TTN: variants seen among roughly 807,000 people sequenced by gnomAD.
TTN encodes the protein connectin.
In TTN, 1,525 loss-of-function variants were observed where a neutral mutation model predicts 3,223.0. The ratio of observed to expected loss-of-function variants is 0.47; its 90% CI spans 0.45 to 0.49. The LOEUF is 0.49. Among genes scored for constraint, TTN ranks in the 20% least tolerant of loss-of-function variants. The probability of loss-of-function intolerance (pLI) is 0.00; values close to 1 mark genes in which losing one functional copy is unlikely to be tolerated. For missense variants in TTN, 40,786 were observed against 43,424.0 expected, an observed-to-expected ratio of 0.94 and a Z score of 5.40; for synonymous variants, 14,094 against 15,161.0, an observed-to-expected ratio of 0.93 and a Z score of 5.17.
In TTN at chr2:178,566,455, A is replaced by G. The variant is rs749695490; in HGVS notation, c.79677T>C (p.Tyr26559=). ...TGTTGAGGGCACAGACTCGTATTTT[A>G]TACTCTTGGTGTTCAGTGAGTTTTG... ...EISKLTEHQE[Y]KIRVCALNKV... The change falls in exon 326 of 363, where the codon TAT becomes TAC. Residue 26559 remains tyrosine (Y), a synonymous_variant. Coordinates refer to ENST00000589042, the MANE Select transcript of TTN (RefSeq NM_001267550.2). 3 of 1,613,488 alleles carry G rather than the reference A, an allele frequency of 1.9e-6. No individual in the cohort carries two copies. In the South Asian group the frequency reaches 3.3e-5, roughly 18 times the overall value.
chr2:178,587,955 A>G lies in TTN; in HGVS notation c.63452T>C (p.Val21151Ala). 4 of 1,610,688 alleles carry G rather than the reference A, an allele frequency of 2.5e-6. No individual in the cohort carries two copies. In the South Asian group the frequency reaches 3.3e-5, roughly 13 times the overall value. The change falls in exon 305 of 363, where the codon GTT becomes GCT. Residue 21151 changes from valine (V) to alanine (A), a missense_variant. Coordinates refer to ENST00000589042, the MANE Select transcript of TTN (RefSeq NM_001267550.2). ...YEFRVCAQNQ[V>A]GIGRPAELKE... ...TAGCTCTGCAGGGCGCCCAATACCAACTTGGTTTTGGGCACACACCCTGAA... is the reference window on the plus strand; with the variant it reads ...TAGCTCTGCAGGGCGCCCAATACCAGCTTGGTTTTGGGCACACACCCTGAA...
intron 8 of TTN, 148 bp downstream of exon 8, chr2:178,794,251 G>A: frequency 8.3e-7 from 1 of 1,207,190 alleles, no homozygotes; most frequent in South Asian, 1.2e-5. Context: ...TGCTCAGAAA[G>A]TTCTAAAAGT....
intron 99 of TTN, 64 bp from the exon 100 acceptor site, chr2:178,707,877 G>T: frequency 6.6e-7 from 1 of 1,505,776 alleles, no homozygotes; most frequent in Non-Finnish European, 8.9e-7. Context: ...TTCCACAAGA[G>T]AAACAAATAA....
At position 178,543,111 on chromosome 2, in the gene TTN, G is replaced by C; in HGVS notation, c.96862C>G (p.Pro32288Ala). Reference sequence around the variant, plus strand: ...GTCACGGCTGTGACAGTCTCTCTTGGTTCTGACACACCTTTCTCATTTTGT... The same window carrying C: ...GTCACGGCTGTGACAGTCTCTCTTGCTTCTGACACACCTTTCTCATTTTGT... ...RAQNEKGVSE[P>A]RETVTAVTVQ... The change falls in exon 347 of 363, where the codon CCA becomes GCA. Residue 32288 changes from proline to alanine, a missense_variant. Physicochemically the swap from Pro to Ala is conservative, Grantham distance 27. Transcript: ENST00000589042. 6 of 1,608,290 alleles carry C rather than the reference G, an allele frequency of 3.7e-6. No individual in the cohort carries two copies. The East Asian group carries it at 6.7e-5, about 18-fold the overall frequency.
chr2:178,697,164 A>C lies in TTN; in HGVS notation c.30759T>G (p.Ile10253Met). The C allele has an allele frequency of 6.5e-7, 1 of 1,534,602 alleles. No individual in the cohort carries two copies. Among genetic ancestry groups the C allele is most frequent in the Non-Finnish European group, 8.8e-7 (1 of 1,142,672 alleles). Residue 10253 changes from isoleucine (I) to methionine (M), a missense_variant, in exon 113 of 363, where the codon ATT becomes ATG. Ile to Met is a conservative substitution (Grantham distance 10). Transcript: ENST00000589042. ...TAGTAGGAGGTGGAGGCTTCTTGAC[A>C]ATCTCTGGGAGTTTAAAAACATAAA... is the stretch of plus-strand genomic sequence containing the variant. ...KPKEMTPREE[I>M]VKKPPPPTTL... is the part of the protein sequence containing the mutation.
chr2:178,561,387 C>T lies in TTN; in HGVS notation c.84745G>A (p.Ala28249Thr), dbSNP rs1258499464. 1 of 1,613,754 alleles carries T rather than the reference C, an allele frequency of 6.2e-7. No individual in the cohort carries two copies. Among genetic ancestry groups the T allele is most frequent in the Admixed American group, 1.7e-5 (1 of 59,992 alleles). ...CCAGGAGGGTCACAAGGATCTCTTG[C>T]AGGGACTGGTTCACAAGATTTACTG... ...KCSKSCEPVP[A>T]RDPCDPPGQP... Residue 28249 changes from alanine to threonine, a missense_variant, in exon 326 of 363, where the codon GCA becomes ACA. Transcript: ENST00000589042.
At chr2:178,593,508 T>G in intron 298 of TTN, 33 bp from the exon 299 acceptor site, 2 of 1,598,224 alleles carry the variant, frequency 1.3e-6, no homozygotes, top group Non-Finnish European at 8.5e-7. Flanking sequence ...CGTTAGAAAT[T>G]TATTTCTTTA....
intron 73 of TTN, 46 bp from the exon 74 acceptor site, chr2:178,723,742 T>C (rs765028661): frequency 1.1e-5 from 17 of 1,529,528 alleles, no homozygotes; most frequent in Non-Finnish European, 1.4e-5. Flanking sequence ...AAGCTTCAGA[T>C]GGAGTTGCAA....
chr2:178,617,256 T>C, intron 254 of TTN, 22 bp from the exon 255 acceptor site: 1 of 1,536,138 alleles, frequency 6.5e-7, no homozygotes, highest in Middle Eastern at 1.7e-4. Flanking sequence ...AATTAATATT[T>C]GTAAAAAACA....
chr2:178,789,407 C>T lies in TTN; in HGVS notation c.2029G>A (p.Glu677Lys), dbSNP rs1303024239. Residue 677 changes from glutamate (E) to lysine (K), a missense_variant, in exon 13 of 363, where the codon GAA becomes AAA. Transcript: ENST00000589042. ...KEQETILRTR[E>K]TMATRQEQIQ... The stretch of plus-strand genomic sequence containing the variant: ...TGTTCTTGTCTAGTAGCCATAGTTT[C>T]TCTAGTTCTCAGTATTGTTTCTTGT... The T allele has an allele frequency of 1.2e-6, 2 of 1,613,506 alleles. No homozygotes were observed. Among genetic ancestry groups the T allele is most frequent in the Non-Finnish European group, 1.7e-6 (2 of 1,179,554 alleles).
chr2:178,690,083 A>G (rs540504575), intron 121 of TTN, among the ~76,000 whole-genome samples, 187 bp from the exon 122 acceptor site: 12 of 152,356 alleles, frequency 7.9e-5, no homozygotes, highest in African/African-American at 2.4e-4. Flanking sequence ...AATATCACAA[A>G]TAATGTTTTA....
At chr2:178,717,854 C>T (rs1361834304) in intron 86 of TTN, 44 bp from the exon 87 acceptor site, 2 of 1,575,550 alleles carry the variant, frequency 1.3e-6, no homozygotes, top group African/African-American at 1.4e-5. Flanking sequence ...GGTGAGAAGG[C>T]ATCCACAACA....
intron 253 of TTN, 75 bp downstream of exon 253, chr2:178,617,704 C>A: frequency 1.9e-6 from 3 of 1,544,946 alleles, no homozygotes; most frequent in Non-Finnish European, 2.6e-6. Context: ...TTTCATTTAA[C>A]TTGATTTATT....
At position 178,539,129 on chromosome 2, in the gene TTN, G is replaced by A. The variant is rs764276622; in HGVS notation, c.98806C>T (p.Arg32936Cys). The change falls in exon 353 of 363, where the codon CGC (arginine) becomes TGC (cysteine). Residue 32936 changes from arginine to cysteine, a missense_variant. Arg to Cys is a radical substitution (Grantham distance 180). Coordinates refer to ENST00000589042, the MANE Select transcript of TTN (RefSeq NM_001267550.2). ...GSRVTGYYIE[R>C]KETSTDKWVR... ...CACTTGTCAGTGGATGTCTCTTTGC[G>A]TTCGATGTAGTAGCCTGTGACTCTA... The A allele has an allele frequency of 1.9e-5, 31 of 1,613,702 alleles. No homozygotes were observed. In the Middle Eastern group the frequency reaches 6.6e-4, roughly 34 times the overall value.
chr2:178,677,561 A>G, intron 146 of TTN, 60 bp downstream of exon 146: 1 of 1,496,114 alleles, frequency 6.7e-7, no homozygotes, highest in Non-Finnish European at 9.0e-7. Flanking sequence ...GAACAAAAGG[A>G]TGGGAAAGCA....
intron 10 of TTN, among the ~76,000 whole-genome samples, chr2:178,791,206 G>C (rs886389872): frequency 2.0e-5 from 3 of 152,184 alleles, no homozygotes; most frequent in African/African-American, 7.2e-5. Flanking sequence ...CTATGCCTTT[G>C]ATTATCCTAA....
Position 178,631,056 on chromosome 2 carries a change from G to A in TTN, c.43992C>T (p.Thr14664=). Residue 14664 remains threonine, a synonymous_variant, in exon 237 of 363, where the codon ACC becomes ACT. Transcript: ENST00000589042. ...QYTCDCGTDK[T]SGKLDIEDRE... ...TACCCTCAATGTCAAGTTTTCCTGA[G>A]GTCTTATCTGTCCCACAGTCACAGG... 6.2e-7 allele frequency: 1 copy of A among 1,613,130 alleles called. No individual in the cohort carries two copies. The highest frequency in any genetic ancestry group is 8.5e-7 in the Non-Finnish European group (1 of 1,179,578).
chr2:178,609,172 C>A (rs777034156), intron 273 of TTN, 36 bp downstream of exon 273: 1 of 1,455,754 alleles, frequency 6.9e-7, no homozygotes. Flanking sequence ...TTACTAAAAC[C>A]TTTTTCCATT....
chr2:178,648,593 A>G (rs1442808010), intron 213 of TTN, among the ~76,000 whole-genome samples: 1 of 152,074 alleles, frequency 6.6e-6, no homozygotes, highest in Non-Finnish European at 1.5e-5. Flanking sequence ...TATTTTTAGT[A>G]GAGACGGGGT....
Sources: allele counts gnomAD v4.1 joint callset (sites outside exome capture counted in the v4.1 genomes callset), GRCh38; gene constraint gnomAD v4.1.1; transcripts MANE v1.5; gene names NCBI Gene and HGNC (gene_info 2026-07-23, HGNC 2026-07-21).